Variants in SMOC2 observed in about 807,000 individuals in gnomAD.
SMOC2 encodes SPARC related modular calcium binding 2, also known as SPARC-related modular calcium-binding protein 2.
Under a neutral mutation model 61.4 loss-of-function variants are expected in SMOC2, and 39 were observed. The observed-to-expected ratio is 0.64, with a 90% CI of 0.49 to 0.83. SMOC2 has a LOEUF of 0.83. SMOC2 is among the 40% of genes least tolerant of loss of function. The pLI, the probability that SMOC2 is intolerant of heterozygous loss-of-function variation, is 0.00. For missense variants in SMOC2, 556 were observed against 592.9 expected, an observed-to-expected ratio of 0.94 and a Z score of 0.65; for synonymous variants, 247 against 239.9, an observed-to-expected ratio of 1.03 and a Z score of -0.27.
At chr6:168,617,026 G>T (rs1205670190) in intron 9 of SMOC2, among the ~76,000 whole-genome samples, 1 of 152,152 alleles carries the variant, frequency 6.6e-6, no homozygotes, top group African/African-American at 2.4e-5. Context: ...CCCTGCAGAG[G>T]GCACCGGAGA....
At chr6:168,662,336 A>C (rs1207532403) in intron 11 of SMOC2, among the ~76,000 whole-genome samples, 1 of 152,180 alleles carries the variant, frequency 6.6e-6, no homozygotes, top group Non-Finnish European at 1.5e-5. Flanking sequence ...GAGGGCTGGA[A>C]CGTTAGATGG....
chr6:168,527,618 T>C lies in SMOC2; in HGVS notation c.364-10T>C. 6.5e-7 allele frequency: 1 copy of C among 1,547,122 alleles called. No homozygotes were observed. The highest frequency in any genetic ancestry group is 1.2e-5 in the South Asian group (1 of 83,958). Reference sequence around the variant, plus strand: ...CCGGGAGGGCTTACCCGTCCTGTGCTCTCTCGCAGGTCCAGTGTCACAGCT... The same window carrying C: ...CCGGGAGGGCTTACCCGTCCTGTGCCCTCTCGCAGGTCCAGTGTCACAGCT... On this transcript the variant is annotated splice_polypyrimidine_tract_variant and intron_variant, in intron 3 of 12. Coordinates refer to ENST00000356284, the MANE Select transcript of SMOC2 (RefSeq NM_001166412.2).
chr6:168,579,727 T>C (rs1201217790), intron 7 of SMOC2, among the ~76,000 whole-genome samples: 1 of 151,932 alleles, frequency 6.6e-6, no homozygotes, highest in African/African-American at 2.4e-5. Context: ...GTGGCCTTGA[T>C]TGTGGTGGGT....
intron 1 of SMOC2, among the ~76,000 whole-genome samples, chr6:168,467,182 C>CAT (rs58718826): frequency 5.4e-5 from 8 of 148,394 alleles, no homozygotes; most frequent in Non-Finnish European, 1.2e-4. Flanking sequence ...CACACACACA[C>CAT]GTTTATTTCG....
In SMOC2 at chr6:168,566,648, A is replaced by AT. The variant is rs1349790165; in HGVS notation, c.637+17451dup. On this transcript the variant is annotated intron_variant, in intron 7 of 12. Coordinates refer to ENST00000356284, the MANE Select transcript of SMOC2 (RefSeq NM_001166412.2). ...AGGCACGTGGCACCACACCCGGCCA[A>AT]TTTTTTGTATTTTTAGTAGCATTTA... 2.6e-5 allele frequency among the ~76,000 whole-genome samples: 4 copies of AT among 151,812 alleles called. No individual in the cohort carries two copies. The South Asian group carries it at 6.2e-4, about 24-fold the overall frequency.
intron 7 of SMOC2, among the ~76,000 whole-genome samples, chr6:168,566,033 A>AT (rs1213398430): frequency 2.0e-5 from 3 of 152,150 alleles, no homozygotes; most frequent in Non-Finnish European, 4.4e-5. Context: ...GTTATTTTCA[A>AT]TTGGTGATTC....
chr6:168,638,169 C>A (rs910895050), intron 9 of SMOC2, among the ~76,000 whole-genome samples: 1 of 152,142 alleles, frequency 6.6e-6, no homozygotes, highest in Non-Finnish European at 1.5e-5. Flanking sequence ...CATGGGACAC[C>A]GTTCAGCTGA....
intron 11 of SMOC2, among the ~76,000 whole-genome samples, chr6:168,662,096 C>G (rs908540813): frequency 6.6e-6 from 1 of 152,216 alleles, no homozygotes; most frequent in East Asian, 1.9e-4. Context: ...TAGAAATCAA[C>G]AGTTAATCAA....
At chr6:168,638,915 G>A (rs1193057967) in intron 9 of SMOC2, among the ~76,000 whole-genome samples, 1 of 152,164 alleles carries the variant, frequency 6.6e-6, no homozygotes, top group Non-Finnish European at 1.5e-5. Context: ...AATCTCCAGT[G>A]CCCAGCTGCT....
intron 1 of SMOC2, among the ~76,000 whole-genome samples, chr6:168,508,924 G>A (rs1782941487): frequency 6.6e-6 from 1 of 152,178 alleles, no homozygotes; most frequent in Non-Finnish European, 1.5e-5. Flanking sequence ...TGGGGCAGGT[G>A]ATAGTCTGGG....
At chr6:168,647,822 G>A (rs1372758496) in intron 9 of SMOC2, among the ~76,000 whole-genome samples, 1 of 152,072 alleles carries the variant, frequency 6.6e-6, no homozygotes, top group Admixed American at 6.5e-5. Flanking sequence ...ACAGTCGTCC[G>A]TCATCAGTAA....
Position 168,608,928 on chromosome 6 carries a change from G to A in SMOC2, c.907+689G>A, listed in dbSNP as rs114320129. Among the ~76,000 whole-genome samples, 1,015 of 152,272 alleles carry A rather than the reference G, an allele frequency of 6.7e-3. 12 individuals carry two copies. Among genetic ancestry groups the A allele is most frequent in the African/African-American group, 0.023 (970 of 41,558 alleles). ...CTACAGCGTACTTTGTTTAGAGTACGTGCTTGATCTTGTCTCATACAGAAA... is the reference window on the plus strand; with the variant it reads ...CTACAGCGTACTTTGTTTAGAGTACATGCTTGATCTTGTCTCATACAGAAA... On this transcript the variant is annotated intron_variant, in intron 9 of 12. Coordinates refer to ENST00000356284, the MANE Select transcript of SMOC2 (RefSeq NM_001166412.2).
At chr6:168,635,233 G>A (rs888847236) in intron 9 of SMOC2, among the ~76,000 whole-genome samples, 5 of 152,158 alleles carry the variant, frequency 3.3e-5, no homozygotes, top group African/African-American at 1.2e-4. Flanking sequence ...AATTTAAAAG[G>A]CAGGATAAAG....
At chr6:168,464,209 G>A (rs1781775780) in intron 1 of SMOC2, among the ~76,000 whole-genome samples, 1 of 145,214 alleles carries the variant, frequency 6.9e-6, no homozygotes, top group African/African-American at 2.5e-5. Flanking sequence ...AAAAGAGGAA[G>A]GAAGAAAGGA....
At chr6:168,492,505 A>G (rs1782491348) in intron 1 of SMOC2, among the ~76,000 whole-genome samples, 1 of 152,272 alleles carries the variant, frequency 6.6e-6, no homozygotes, top group Non-Finnish European at 1.5e-5. Flanking sequence ...TACAGGTGTC[A>G]CTCAAAACCA....
intron 9 of SMOC2, among the ~76,000 whole-genome samples, chr6:168,612,475 C>A (rs1413574808): frequency 6.7e-6 from 1 of 149,668 alleles, no homozygotes; most frequent in East Asian, 2.0e-4. Flanking sequence ...GTGACCGCAG[C>A]CTTTACTCAA....
intron 2 of SMOC2, among the ~76,000 whole-genome samples, chr6:168,511,815 T>TTTG (rs1424356948): frequency 6.7e-6 from 1 of 149,056 alleles, no homozygotes; most frequent in Non-Finnish European, 1.5e-5. Context: ...TCAAGGGTTG[T>TTTG]TTTTTTTTTT....
rs536581633 is a variant in SMOC2, at chr6:168,448,497, C to T, written c.84+7043C>T. Among the ~76,000 whole-genome samples the T allele has an allele frequency of 5.8e-4, 35 of 60,272 alleles. 1 individual carries two copies. Among genetic ancestry groups the T allele is most frequent in the Admixed American group, 2.6e-3 (12 of 4,646 alleles). The allele number at this position is 60,272 out of a possible 152,430, so 39.5% of individuals were successfully genotyped here. A position where few individuals can be genotyped will look rare whatever the true frequency, so the allele number is the denominator to read the frequency against. On this transcript the variant is annotated intron_variant, in intron 1 of 12. Coordinates refer to ENST00000356284, the MANE Select transcript of SMOC2 (RefSeq NM_001166412.2). The stretch of plus-strand genomic sequence containing the variant: ...AGGAAGATGGGGATGAGGAGGAGGA[C>T]GGGGATGGTGAGGATGGTGATGGGG...
At chr6:168,599,937 CCCACACTCACACAT>C (rs1270221353) in intron 8 of SMOC2, among the ~76,000 whole-genome samples, 1 of 151,358 alleles carries the variant, frequency 6.6e-6, no homozygotes, top group African/African-American at 2.4e-5. Flanking sequence ...CTCATACACA[CCCACACTCACACAT>C]CCACACTCAC....
Sources: allele counts gnomAD v4.1 joint callset (sites outside exome capture counted in the v4.1 genomes callset), GRCh38; gene constraint gnomAD v4.1.1; transcripts MANE v1.5; gene names NCBI Gene and HGNC (gene_info 2026-07-23, HGNC 2026-07-21).